The following CACNA2D3 variants were observed in gnomAD, a reference collection of about 807,000 sequenced individuals.
CACNA2D3 encodes voltage-dependent calcium channel subunit alpha-2/delta-3.
In CACNA2D3, 60 loss-of-function variants were observed where a neutral mutation model predicts 160.6. The ratio of observed to expected loss-of-function variants is 0.37; its 90% CI spans 0.30 to 0.46. CACNA2D3 has a LOEUF of 0.46. Ranked by LOEUF, CACNA2D3 falls within the 20% of genes least tolerant of loss-of-function variation. The pLI is 1.00. For synonymous variants in CACNA2D3, 558 were observed against 492.9 expected (o/e 1.13, Z -1.75); for missense variants, 1,205 against 1,365.0 (o/e 0.88, Z 1.85).
intron 14 of CACNA2D3, among the ~76,000 whole-genome samples, chr3:54,827,273 G>C (rs1030698515): frequency 1.3e-5 from 2 of 152,222 alleles, no homozygotes; most frequent in Non-Finnish European, 2.9e-5. Context: ...TCTTTGTCAG[G>C]GTTCAATTTA....
intron 2 of CACNA2D3, among the ~76,000 whole-genome samples, chr3:54,218,007 G>T (rs775476642): frequency 1.7e-4 from 26 of 152,016 alleles, no homozygotes; most frequent in Middle Eastern, 3.4e-3. Flanking sequence ...TGTTAGAGGT[G>T]TATTCGGGAG....
At chr3:54,904,936 C>T (rs1203839526) in intron 27 of CACNA2D3, among the ~76,000 whole-genome samples, 1 of 152,104 alleles carries the variant, frequency 6.6e-6, no homozygotes, top group Non-Finnish European at 1.5e-5. Flanking sequence ...CCAAAAGCAA[C>T]CTTGTTGGAC....
At chr3:54,588,331 A>G (rs1051497451) in intron 9 of CACNA2D3, among the ~76,000 whole-genome samples, 3 of 152,226 alleles carry the variant, frequency 2.0e-5, no homozygotes, top group African/African-American at 7.2e-5. Context: ...AAATTGATAG[A>G]GACCATCTAC....
chr3:54,183,707 A>G (rs1212402642), intron 2 of CACNA2D3, among the ~76,000 whole-genome samples: 1 of 151,716 alleles, frequency 6.6e-6, no homozygotes, highest in Non-Finnish European at 1.5e-5. Context: ...CAACATGGTG[A>G]AACCCCGTCT....
chr3:54,837,032 G>T lies in CACNA2D3; in HGVS notation c.1399-127G>T, dbSNP rs1198215709. 6 of 766,242 alleles carry T rather than the reference G, an allele frequency of 7.8e-6. No homozygotes were observed. The Admixed American group carries it at 1.2e-4, about 15-fold the overall frequency. The allele number at this position is 766,242 out of a possible 1,614,324, so 47.5% of individuals were successfully genotyped here. On this transcript the variant is annotated intron_variant, in intron 14 of 37. Transcript: ENST00000474759. ...CATTGTGCTCCGCGCTCCACTAAAG[G>T]CTTGAGTGGGCACTGTTCCATCTCA...
rs140246617 is a variant in CACNA2D3 at position 54,182,872 on chromosome 3, G to A, written c.204+59278G>A. On this transcript the variant is annotated intron_variant, in intron 2 of 37. Coordinates refer to ENST00000474759, the MANE Select transcript of CACNA2D3 (RefSeq NM_018398.3). ...ACAATCAGAGTCATGAATAGAAGCC[G>A]ATGCACAAATTCAGTTAACAAGCAG... 8.5e-5 allele frequency among the ~76,000 whole-genome samples: 13 copies of A among 152,266 alleles called. No homozygotes were observed. The East Asian group carries it at 2.3e-3, about 27-fold the overall frequency.
intron 27 of CACNA2D3, among the ~76,000 whole-genome samples, chr3:54,917,189 C>G (rs115085590): frequency 0.013 from 1,924 of 152,300 alleles, 37 homozygotes; most frequent in African/African-American, 0.043. Flanking sequence ...CCAATTATTT[C>G]TATTACAGAA....
intron 11 of CACNA2D3, among the ~76,000 whole-genome samples, chr3:54,677,650 GTC>G (rs1209433715): frequency 6.6e-6 from 1 of 150,740 alleles, no homozygotes; most frequent in Non-Finnish European, 1.5e-5. Context: ...TACTCGTCTA[GTC>G]TCTCTCCCAG....
chr3:54,663,524 G>A (rs1000624509), intron 11 of CACNA2D3, among the ~76,000 whole-genome samples: 1 of 152,306 alleles, frequency 6.6e-6, no homozygotes, highest in Non-Finnish European at 1.5e-5. Flanking sequence ...AAACACAAAT[G>A]GGGTCTGGAA....
chr3:54,134,532 G>A (rs1699781077), intron 2 of CACNA2D3, among the ~76,000 whole-genome samples: 1 of 152,212 alleles, frequency 6.6e-6, no homozygotes. Context: ...AGCACAGGCA[G>A]ATCACCAGGT....
intron 35 of CACNA2D3, among the ~76,000 whole-genome samples, chr3:55,028,438 C>G (rs1703611127): frequency 6.6e-6 from 1 of 152,130 alleles, no homozygotes. Context: ...ATCTGTTATT[C>G]AAACAGCAAT....
chr3:55,046,060 T>G (rs902002640), intron 35 of CACNA2D3, among the ~76,000 whole-genome samples: 19 of 151,844 alleles, frequency 1.3e-4, no homozygotes, highest in Admixed American at 2.0e-4. Flanking sequence ...AACTATATCC[T>G]AAAAATTTTG....
At chr3:54,898,575 T>C (rs1188370311) in intron 26 of CACNA2D3, among the ~76,000 whole-genome samples, 1 of 152,172 alleles carries the variant, frequency 6.6e-6, no homozygotes, top group Non-Finnish European at 1.5e-5. Context: ...CAGTGAACTT[T>C]TTCATTCTGC....
Position 55,024,597 on chromosome 3 carries a change from C to G in CACNA2D3, c.2987+6280C>G, listed in dbSNP as rs1177077777. Among the ~76,000 whole-genome samples, 5 of 152,084 alleles carry G rather than the reference C, an allele frequency of 3.3e-5. No individual in the cohort carries two copies. The South Asian group carries it at 1.0e-3, about 32-fold the overall frequency. ...TGTTATCATTGAGGCAGAAAACAAG[C>G]CCTGACTAAACACTAAGTCTGCTGG... On this transcript the variant is annotated intron_variant, in intron 35 of 37. Coordinates refer to ENST00000474759, the MANE Select transcript of CACNA2D3 (RefSeq NM_018398.3).
chr3:54,799,798 A>G (rs1048086703), intron 13 of CACNA2D3, among the ~76,000 whole-genome samples: 3 of 152,268 alleles, frequency 2.0e-5, no homozygotes, highest in Admixed American at 1.3e-4. Context: ...TCTGCCTCAC[A>G]CAGCAAGTCC....
chr3:54,732,727 G>A (rs1344750293), intron 11 of CACNA2D3, among the ~76,000 whole-genome samples: 1 of 152,140 alleles, frequency 6.6e-6, no homozygotes, highest in African/African-American at 2.4e-5. Flanking sequence ...CTGAATGGCT[G>A]AGCACTTCTA....
chr3:54,267,258 T>A (rs6445635), intron 2 of CACNA2D3, among the ~76,000 whole-genome samples: 65,956 of 151,986 alleles, frequency 0.43, 15,353 homozygotes, highest in African/African-American at 0.59. Context: ...AGTGTGATAT[T>A]TGAGGTATGG....
chr3:55,039,708 A>G (rs534808743), intron 35 of CACNA2D3, among the ~76,000 whole-genome samples: 1 of 152,332 alleles, frequency 6.6e-6, no homozygotes, highest in East Asian at 1.9e-4. Context: ...GCCATTTTCA[A>G]GGGAGCCTTG....
chr3:54,747,408 C>A (rs1350918070), intron 11 of CACNA2D3, among the ~76,000 whole-genome samples: 1 of 152,078 alleles, frequency 6.6e-6, no homozygotes, highest in African/African-American at 2.4e-5. Context: ...CCCTTACTCT[C>A]TATGGCTGTG....
Sources: gnomAD v4.1 joint callset for allele counts (sites outside exome capture counted in the v4.1 genomes callset) on GRCh38, gnomAD v4.1.1 for gene constraint, MANE v1.5 for transcripts, NCBI Gene and HGNC (gene_info 2026-07-23, HGNC 2026-07-21) for gene names.